The following CEMIP2 variants were observed in gnomAD, a reference collection of about 807,000 sequenced individuals.
CEMIP2 encodes cell surface hyaluronidase CEMIP2.
A neutral mutation model predicts 146.9 loss-of-function variants in CEMIP2; 79 were observed. The observed-to-expected ratio is 0.54, with a 90% CI of 0.45 to 0.65. CEMIP2 has a LOEUF of 0.65. Among genes scored for constraint, CEMIP2 ranks in the 30% least tolerant of loss-of-function variants. The pLI, the probability that CEMIP2 is intolerant of heterozygous loss-of-function variation, is 0.00. For synonymous variants in CEMIP2, 601 were observed against 606.3 expected, an observed-to-expected ratio of 0.99 and a Z score of 0.13; for missense variants, 1,596 against 1,696.2, an observed-to-expected ratio of 0.94 and a Z score of 1.04.
intron 22 of CEMIP2, among the ~76,000 whole-genome samples, chr9:71,688,800 T>C (rs1822145613): frequency 6.6e-6 from 1 of 152,112 alleles, no homozygotes; most frequent in African/African-American, 2.4e-5. Flanking sequence ...ACCCATAAGA[T>C]CATTTACAGG....
rs143779171 is a variant in CEMIP2, at chr9:71,750,220, T to C, written c.154A>G (p.Ile52Val). ...KSQASAKFTS[I>V]RREDRATFAF... is the part of the protein sequence containing the mutation. ...AAGGTTGCCCGGTCTTCTCGTCTGATGGAGGTAAATTTGGCTGAAGCTTGA... is the reference window on the plus strand; with the variant it reads ...AAGGTTGCCCGGTCTTCTCGTCTGACGGAGGTAAATTTGGCTGAAGCTTGA... The change falls in exon 2 of 24, where the codon ATC (isoleucine) becomes GTC (valine). Residue 52 changes from isoleucine to valine, a missense_variant. Physicochemically the swap from Ile to Val is conservative, Grantham distance 29 (BLOSUM62 3). Coordinates refer to ENST00000377044, the MANE Select transcript of CEMIP2 (RefSeq NM_013390.3). The C allele has an allele frequency of 6.2e-7, 1 of 1,614,146 alleles. No individual in the cohort carries two copies.
intron 19 of CEMIP2, 29 bp from the exon 20 acceptor site, chr9:71,698,233 G>T: frequency 6.3e-7 from 1 of 1,593,970 alleles, no homozygotes; most frequent in Non-Finnish European, 8.6e-7. Context: ...AATCCATGTA[G>T]TTAGACTTAT....
At chr9:71,693,557 G>A (rs999580988) in intron 21 of CEMIP2, among the ~76,000 whole-genome samples, 1 of 152,192 alleles carries the variant, frequency 6.6e-6, no homozygotes, top group South Asian at 2.1e-4. Flanking sequence ...AAACAATCTT[G>A]AAGCTTATTT....
chr9:71,704,901 G>A (rs1206182351), intron 17 of CEMIP2, 98 bp from the exon 18 acceptor site: 1 of 1,167,012 alleles, frequency 8.6e-7, no homozygotes, highest in East Asian at 2.5e-5. Flanking sequence ...ACTTTGAAAA[G>A]GGAGATTCTG....
At chr9:71,703,704 T>C (rs1313864177) in intron 18 of CEMIP2, among the ~76,000 whole-genome samples, 1 of 152,120 alleles carries the variant, frequency 6.6e-6, no homozygotes, top group Non-Finnish European at 1.5e-5. Context: ...CCATCCCACC[T>C]TCCTTGTTTC....
chr9:71,715,555 T>C (rs1304861818), intron 14 of CEMIP2, among the ~76,000 whole-genome samples: 7 of 149,414 alleles, frequency 4.7e-5, no homozygotes, highest in African/African-American at 1.7e-4. Flanking sequence ...TTGAAATTGC[T>C]TTTAAACTAT....
rs1235924330 is a variant in CEMIP2 at position 71,718,070 on chromosome 9, A to G, written c.2277T>C (p.Pro759=). Residue 759 remains proline, a synonymous_variant, in exon 13 of 24, where the codon CCT becomes CCC. Transcript: ENST00000377044. The part of the protein sequence containing the change: ...LCLDNSARFR[P]HQDANPEKPR... Reference sequence around the variant, plus strand: ...GTTTTTCGGGGTTTGCATCCTGATGAGGTCGAAATCTAGGGGTTAAAAAAA... The same window carrying G: ...GTTTTTCGGGGTTTGCATCCTGATGGGGTCGAAATCTAGGGGTTAAAAAAA... The G allele has an allele frequency of 6.2e-7, 1 of 1,607,606 alleles. No homozygotes were observed. The highest frequency in any genetic ancestry group is 1.1e-5 in the South Asian group (1 of 89,326).
chr9:71,762,532 TAGC>T (rs1237765106), intron 1 of CEMIP2, among the ~76,000 whole-genome samples: 39 of 102,940 alleles, frequency 3.8e-4, no homozygotes, highest in Non-Finnish European at 6.7e-4. Context: ...AAAAACTGGC[TAGC>T]AGCAGCATAA....
intron 2 of CEMIP2, among the ~76,000 whole-genome samples, chr9:71,748,672 A>C (rs961462694): frequency 2.6e-5 from 4 of 152,222 alleles, no homozygotes; most frequent in Non-Finnish European, 5.9e-5. Flanking sequence ...TGGGAAAAGG[A>C]GAGAGGAAGT....
At chr9:71,715,153 T>C (rs1823010784) in intron 14 of CEMIP2, 64 bp from the exon 15 acceptor site, 5 of 1,562,652 alleles carry the variant, frequency 3.2e-6, no homozygotes, top group Admixed American at 1.8e-5. Context: ...TTCCCAAATG[T>C]AGGCATGCTA....
At chr9:71,703,285 C>T (rs1038344266) in intron 18 of CEMIP2, among the ~76,000 whole-genome samples, 3 of 152,144 alleles carry the variant, frequency 2.0e-5, no homozygotes, top group Admixed American at 6.5e-5. Context: ...AAGGAAGAGA[C>T]AGGAATGAGT....
At chr9:71,728,223 C>CTATA (rs1349642702) in intron 10 of CEMIP2, among the ~76,000 whole-genome samples, 1 of 22,212 alleles carries the variant, frequency 4.5e-5, no homozygotes, top group Non-Finnish European at 1.1e-4. Flanking sequence ...CTCTCTCTCT[C>CTATA]TCTCTCTCTA....
intron 4 of CEMIP2, among the ~76,000 whole-genome samples, chr9:71,743,013 G>A (rs1018134085): frequency 1.3e-5 from 2 of 152,172 alleles, no homozygotes; most frequent in Non-Finnish European, 2.9e-5. Context: ...GAGGCCAGGA[G>A]TTTGAGACCA....
At chr9:71,751,343 C>A (rs1438538397) in intron 1 of CEMIP2, among the ~76,000 whole-genome samples, 1 of 152,174 alleles carries the variant, frequency 6.6e-6, no homozygotes, top group African/African-American at 2.4e-5. Context: ...TTGACAATCA[C>A]CTTCATTACT....
intron 16 of CEMIP2, 130 bp from the exon 17 acceptor site, chr9:71,709,604 A>T: frequency 1.4e-6 from 1 of 729,054 alleles, no homozygotes. Flanking sequence ...TACAGTTCAT[A>T]GTTGTCAGCT....
rs750477318 is a variant in CEMIP2 at position 71,685,408 on chromosome 9, A to AAAAAAG, written c.3956-21_3956-16dup. 1.3e-6 allele frequency: 2 copies of AAAAAAG among 1,496,260 alleles called. No homozygotes were observed. Among genetic ancestry groups the AAAAAAG allele is most frequent in the Admixed American group, 2.3e-5 (1 of 42,718 alleles). 92.7% of individuals were successfully genotyped at this position (1,496,260 alleles called of 1,614,324 possible). A position where few individuals can be genotyped will look rare whatever the true frequency, so the allele number is the denominator to read the frequency against. On this transcript the variant is annotated splice_polypyrimidine_tract_variant and intron_variant, in intron 23 of 23. Transcript: ENST00000377044. ...TATGGTACTCCCTAAAAAAAAAAAA[A>AAAAAAG]AAAAAGAAAAAGAAAAAAAATCAAT...
intron 1 of CEMIP2, among the ~76,000 whole-genome samples, chr9:71,758,651 A>C (rs569334504): frequency 6.6e-6 from 1 of 152,322 alleles, no homozygotes; most frequent in South Asian, 2.1e-4. Context: ...GTCAGACTTA[A>C]TTAATCCTTC....
intron 22 of CEMIP2, among the ~76,000 whole-genome samples, chr9:71,688,818 G>A (rs910150849): frequency 3.3e-5 from 5 of 152,058 alleles, no homozygotes; most frequent in African/African-American, 7.2e-5. Context: ...AGGTCACCCC[G>A]CAACCCTATA....
intron 4 of CEMIP2, among the ~76,000 whole-genome samples, chr9:71,742,403 A>T (rs77580313): frequency 0.046 from 7,056 of 152,302 alleles, 243 homozygotes; most frequent in East Asian, 0.12. Context: ...TTTCTCTTCT[A>T]TCGACATTAT....
Sources: gnomAD v4.1 joint callset for allele counts (sites outside exome capture counted in the v4.1 genomes callset) on GRCh38, gnomAD v4.1.1 for gene constraint, MANE v1.5 for transcripts, NCBI Gene and HGNC (gene_info 2026-07-23, HGNC 2026-07-21) for gene names.